The following SLC25A21 variants were observed in gnomAD, a reference collection of about 807,000 sequenced individuals.
SLC25A21 encodes mitochondrial 2-oxodicarboxylate carrier.
A neutral mutation model predicts 43.8 loss-of-function variants in SLC25A21; 47 were observed. The ratio of observed to expected loss-of-function variants is 1.07; its 90% CI spans 0.85 to 1.37. The LOEUF is 1.37. Ranked by LOEUF, SLC25A21 falls within the 40% of genes most tolerant of loss-of-function variation. SLC25A21 has a pLI of 0.00. For synonymous variants in SLC25A21, 131 were observed against 121.3 expected (o/e 1.08, Z -0.52); for missense variants, 352 against 350.2 (o/e 1.00, Z -0.04).
chr14:36,733,628 G>A (rs1884917776), intron 4 of SLC25A21, among the ~76,000 whole-genome samples: 1 of 152,106 alleles, frequency 6.6e-6, no homozygotes, highest in African/African-American at 2.4e-5. Context: ...TCTTTCAGGA[G>A]TACTGCGAAT....
chr14:36,884,962 A>T (rs1221557927), intron 1 of SLC25A21, among the ~76,000 whole-genome samples: 1 of 151,926 alleles, frequency 6.6e-6, no homozygotes, highest in Non-Finnish European at 1.5e-5. Context: ...GTGCAGGAGG[A>T]GCCTTTTAGT....
intron 1 of SLC25A21, among the ~76,000 whole-genome samples, chr14:37,032,183 C>T (rs946059758): frequency 1.3e-5 from 2 of 152,018 alleles, no homozygotes; most frequent in Non-Finnish European, 2.9e-5. Context: ...TATTTTTATG[C>T]GATAAGATAT....
At chr14:36,964,481 A>C (rs1959568596) in intron 1 of SLC25A21, among the ~76,000 whole-genome samples, 1 of 152,216 alleles carries the variant, frequency 6.6e-6, no homozygotes, top group South Asian at 2.1e-4. Flanking sequence ...CTTTGTAACA[A>C]CATTACAAAC....
At chr14:36,865,219 T>C (rs1018081451) in intron 2 of SLC25A21, among the ~76,000 whole-genome samples, 33 of 152,066 alleles carry the variant, frequency 2.2e-4, no homozygotes, top group African/African-American at 7.7e-4. Flanking sequence ...CTTCACACTC[T>C]CTGCTGGGCT....
chr14:36,687,160 C>T (rs1053226091), intron 7 of SLC25A21, among the ~76,000 whole-genome samples: 4 of 152,164 alleles, frequency 2.6e-5, no homozygotes, highest in Non-Finnish European at 5.9e-5. Context: ...ACCACATTGG[C>T]CAGGCTGCTC....
At chr14:36,782,805 G>A (rs2138381786) in intron 3 of SLC25A21, among the ~76,000 whole-genome samples, 1 of 145,026 alleles carries the variant, frequency 6.9e-6, no homozygotes, top group South Asian at 2.3e-4. Flanking sequence ...ACTGTGGTGG[G>A]GTTGGGGGAG....
At chr14:36,910,351 T>C (rs1250775067) in intron 1 of SLC25A21, among the ~76,000 whole-genome samples, 1 of 152,098 alleles carries the variant, frequency 6.6e-6, no homozygotes, top group East Asian at 1.9e-4. Flanking sequence ...GTTTGGACTT[T>C]ACAAGTATGA....
rs559867750 is a variant in SLC25A21 at position 36,844,477 on chromosome 14, A to C, written c.120-30476T>G. ...CACATAAAACTGGATTATCCAGAGA[A>C]GGTGAGGTATGAGGAAGGAAAAAAA... is the stretch of plus-strand genomic sequence containing the variant. On this transcript the variant is annotated intron_variant, in intron 2 of 9. Transcript: ENST00000331299. Among the ~76,000 whole-genome samples, 13 of 152,320 alleles carry C rather than the reference A, an allele frequency of 8.5e-5. No individual in the cohort carries two copies. In the South Asian group the frequency reaches 2.7e-3, roughly 32 times the overall value.
intron 1 of SLC25A21, among the ~76,000 whole-genome samples, chr14:36,979,865 A>G (rs1959978707): frequency 6.6e-6 from 1 of 152,210 alleles, no homozygotes; most frequent in Non-Finnish European, 1.5e-5. Flanking sequence ...GGATCTGCAG[A>G]ACTATAATCC....
intron 7 of SLC25A21, among the ~76,000 whole-genome samples, chr14:36,686,929 A>G (rs1031923911): frequency 6.6e-6 from 1 of 152,164 alleles, no homozygotes; most frequent in Non-Finnish European, 1.5e-5. Flanking sequence ...AGTGTTCACT[A>G]GCAGGAGTAA....
rs1366789845 is a variant in SLC25A21 at position 36,844,495 on chromosome 14, G to GA, written c.119+30460dup. ...CCAGAGAAGGTGAGGTATGAGGAAG[G>GA]AAAAAAAGACAAATCTGAAACATGA... is the stretch of plus-strand genomic sequence containing the variant. On this transcript the variant is annotated intron_variant, in intron 2 of 9. Transcript: ENST00000331299. Among the ~76,000 whole-genome samples the GA allele has an allele frequency of 7.4e-4, 113 of 152,024 alleles. 5 individuals are homozygous for GA. Among genetic ancestry groups the GA allele is most frequent in the South Asian group, 4.1e-4 (2 of 4,824 alleles).
intron 3 of SLC25A21, among the ~76,000 whole-genome samples, chr14:36,793,714 T>C (rs1440566626): frequency 6.6e-6 from 1 of 152,048 alleles, no homozygotes; most frequent in South Asian, 2.1e-4. Context: ...CCACGTGCAG[T>C]TTCCATAGAA....
At chr14:37,151,689 T>C (rs1963761445) in intron 1 of SLC25A21, among the ~76,000 whole-genome samples, 1 of 152,228 alleles carries the variant, frequency 6.6e-6, no homozygotes, top group African/African-American at 2.4e-5. Context: ...AGTTTGAGTC[T>C]GTGTCTGTCA....
intron 2 of SLC25A21, among the ~76,000 whole-genome samples, chr14:36,869,289 T>C (rs142271875): frequency 0.011 from 1,622 of 152,296 alleles, 24 homozygotes; most frequent in Middle Eastern, 0.031. Context: ...ATTCTCCTGA[T>C]TGGGCCATGA....
chr14:36,806,649 A>G (rs1888050586), intron 3 of SLC25A21, among the ~76,000 whole-genome samples: 1 of 152,192 alleles, frequency 6.6e-6, no homozygotes. Flanking sequence ...TTCTTTCCAA[A>G]TCAGGAGAAG....
intron 1 of SLC25A21, among the ~76,000 whole-genome samples, chr14:36,967,536 C>G (rs568385445): frequency 6.6e-6 from 1 of 152,194 alleles, no homozygotes; most frequent in Non-Finnish European, 1.5e-5. Context: ...ACACCCAAAA[C>G]GCGGGCTTGC....
intron 2 of SLC25A21, among the ~76,000 whole-genome samples, chr14:36,862,574 A>G (rs1890099653): frequency 1.3e-5 from 2 of 152,170 alleles, no homozygotes; most frequent in African/African-American, 4.8e-5. Flanking sequence ...ACACATGGAC[A>G]CAGGGAGGGG....
At chr14:36,755,805 G>A (rs987587397) in intron 3 of SLC25A21, among the ~76,000 whole-genome samples, 1 of 152,104 alleles carries the variant, frequency 6.6e-6, no homozygotes, top group Non-Finnish European at 1.5e-5. Flanking sequence ...GCATGTTCCT[G>A]GTGAAGGCCT....
chr14:37,004,523 T>C (rs773510370), intron 1 of SLC25A21, among the ~76,000 whole-genome samples: 1 of 152,192 alleles, frequency 6.6e-6, no homozygotes, highest in African/African-American at 2.4e-5. Context: ...AAAAATCCAC[T>C]AGACAGGAAG....
Sources: gnomAD v4.1 joint callset for allele counts (sites outside exome capture counted in the v4.1 genomes callset) on GRCh38, gnomAD v4.1.1 for gene constraint, MANE v1.5 for transcripts, NCBI Gene and HGNC (gene_info 2026-07-23, HGNC 2026-07-21) for gene names.